The following ZNF787 variants were observed in gnomAD, a reference collection of about 807,000 sequenced individuals.
ZNF787 encodes the protein TTF-I-interacting peptide 20.
Under a neutral mutation model 16.9 loss-of-function variants are expected in ZNF787, and 7 were observed. That is an observed-to-expected ratio of 0.42 (90% CI 0.24 to 0.78). The LOEUF (loss-of-function observed/expected upper bound fraction) is 0.78, where lower values mean the gene tolerates loss of function less well. Ranked by LOEUF, ZNF787 falls within the 30% of genes least tolerant of loss-of-function variation. The pLI, the probability that ZNF787 is intolerant of heterozygous loss-of-function variation, is 0.30. For missense variants in ZNF787, 551 were observed against 589.3 expected (o/e 0.94, Z 0.67); for synonymous variants, 345 against 270.9 (o/e 1.27, Z -2.69).
At chr19:56,096,244 A>T (rs200287764) in intron 2 of ZNF787, among the ~76,000 whole-genome samples, 5 of 113,330 alleles carry the variant, frequency 4.4e-5, no homozygotes, top group African/African-American at 1.7e-4. Flanking sequence ...AATAAAAAAA[A>T]TAAAAAAATA....
chr19:56,113,733 A>G (rs1599958637), intron 1 of ZNF787, among the ~76,000 whole-genome samples: 1 of 152,122 alleles, frequency 6.6e-6, no homozygotes, highest in Non-Finnish European at 1.5e-5. Context: ...CTGAAGATGC[A>G]CGGCGTTTCT....
At chr19:56,116,973 C>T (rs2030154598) in intron 1 of ZNF787, among the ~76,000 whole-genome samples, 2 of 152,214 alleles carry the variant, frequency 1.3e-5, no homozygotes, top group Non-Finnish European at 2.9e-5. Flanking sequence ...CTGGGCCCCA[C>T]AATCAGTGGG....
At position 56,097,314 on chromosome 19, in the gene ZNF787, GA is replaced by G. The variant is rs1381471868; in HGVS notation, c.79+5824del. Among the ~76,000 whole-genome samples the G allele has an allele frequency of 1.1e-3, 163 of 152,316 alleles. 2 individuals are homozygous for G. Among genetic ancestry groups the G allele is most frequent in the Non-Finnish European group, 1.3e-4 (9 of 68,024 alleles). On this transcript the variant is annotated intron_variant, in intron 2 of 2. Coordinates refer to ENST00000610935, the MANE Select transcript of ZNF787 (RefSeq NM_001002836.4). ...CACCTCCCAGAAATACTCAAATACA[GA>G]AAAAAATCACAAAATTTCTAAGGTT...
chr19:56,088,613 A>AGCCGCG lies in ZNF787; in HGVS notation c.553_558dup (p.Arg185_Gly186dup). ...CGCGCGAGGCTCTTGGGCTGGCTGA[A>AGCCGCG]GCCGCGGCCGCAGCGCGGGCACACG... On this transcript the variant is annotated inframe_insertion, in exon 3 of 3. Transcript: ENST00000610935. The surrounding 1 kb of genome is among the most constrained non-coding windows in gnomAD (Gnocchi z 8.6). 6.6e-7 allele frequency: 1 copy of AGCCGCG among 1,520,882 alleles called. No homozygotes were observed. Among genetic ancestry groups the AGCCGCG allele is most frequent in the Non-Finnish European group, 8.8e-7 (1 of 1,141,278 alleles). 94.2% of individuals were successfully genotyped at this position (1,520,882 alleles called of 1,614,324 possible).
intron 1 of ZNF787, among the ~76,000 whole-genome samples, chr19:56,109,316 G>A (rs1425664688): frequency 6.6e-6 from 1 of 152,072 alleles, no homozygotes; most frequent in Non-Finnish European, 1.5e-5. Flanking sequence ...AAGGCACGGG[G>A]GCAGCAGCAG....
intron 2 of ZNF787, among the ~76,000 whole-genome samples, chr19:56,090,012 C>T (rs1210776388): frequency 6.6e-6 from 1 of 152,172 alleles, no homozygotes; most frequent in Non-Finnish European, 1.5e-5. Context: ...TCAGCAAGTG[C>T]ATCTCTGACC....
At chr19:56,105,211 C>T (rs1280156386) in intron 1 of ZNF787, among the ~76,000 whole-genome samples, 1 of 152,148 alleles carries the variant, frequency 6.6e-6, no homozygotes, top group African/African-American at 2.4e-5. Flanking sequence ...CCTTCTCCCA[C>T]CCTCCTGCAG....
At chr19:56,105,474 C>T (rs1325602783) in intron 1 of ZNF787, 2 of 152,238 alleles carry the variant, frequency 1.3e-5, no homozygotes, top group Admixed American at 6.5e-5. Flanking sequence ...CTCTTTGTTC[C>T]TTCTCCATGC....
intron 2 of ZNF787, among the ~76,000 whole-genome samples, chr19:56,090,752 G>A (rs1985542881): frequency 2.0e-5 from 3 of 152,208 alleles, no homozygotes; most frequent in Non-Finnish European, 4.4e-5. Context: ...AACCCGGGAG[G>A]CAGAGGTTGC....
At chr19:56,108,226 T>TG (rs1392695276) in intron 1 of ZNF787, among the ~76,000 whole-genome samples, 2 of 151,022 alleles carry the variant, frequency 1.3e-5, no homozygotes, top group African/African-American at 4.9e-5. Context: ...ACCCAGCCCC[T>TG]GCCCAGTGCT....
At chr19:56,092,964 C>T (rs1475061365) in intron 2 of ZNF787, among the ~76,000 whole-genome samples, 1 of 149,930 alleles carries the variant, frequency 6.7e-6, no homozygotes, top group Non-Finnish European at 1.5e-5. Context: ...ACTGGGATAC[C>T]CCATAGACAC....
At chr19:56,112,811 C>T (rs1326146036) in intron 1 of ZNF787, among the ~76,000 whole-genome samples, 2 of 152,060 alleles carry the variant, frequency 1.3e-5, no homozygotes, top group African/African-American at 4.8e-5. Context: ...TTGGAGCCAC[C>T]ATGCACCCCA....
In ZNF787 at chr19:56,088,155, G is replaced by A. The variant is rs2123384522; in HGVS notation, c.1017C>T (p.His339=). 3 of 1,555,042 alleles carry A rather than the reference G, an allele frequency of 1.9e-6. No individual in the cohort carries two copies. The highest frequency in any genetic ancestry group is 1.2e-5 in the South Asian group (1 of 86,274). The change falls in exon 3 of 3, where the codon CAC becomes CAT. Residue 339 remains histidine (H), a synonymous_variant. Coordinates refer to ENST00000610935, the MANE Select transcript of ZNF787 (RefSeq NM_001002836.4). This position sits in a 1 kb window ranked among gnomAD's most constrained non-coding sequence, Gnocchi z 8.6. ...TGCAGACCGAGGGCGCGCCCACCGC[G>A]TGGATCTTCTTGTGTCTCCGGAGCG... is the stretch of plus-strand genomic sequence containing the variant. The part of the protein sequence containing the change: ...GAALRRHKKI[H]AVGAPSVCSS...
At chr19:56,116,025 G>A (rs1042753306) in intron 1 of ZNF787, among the ~76,000 whole-genome samples, 2 of 152,276 alleles carry the variant, frequency 1.3e-5, no homozygotes, top group Non-Finnish European at 2.9e-5. Context: ...GTCACAAAAC[G>A]CGCTGCCCTG....
chr19:56,092,179 T>G (rs1342903651), intron 2 of ZNF787, among the ~76,000 whole-genome samples: 1 of 152,062 alleles, frequency 6.6e-6, no homozygotes, highest in Non-Finnish European at 1.5e-5. Flanking sequence ...GCACAAGAGT[T>G]CTCATTCAAT....
chr19:56,093,554 G>A (rs1215778886), intron 2 of ZNF787, among the ~76,000 whole-genome samples: 1 of 152,150 alleles, frequency 6.6e-6, no homozygotes, highest in African/African-American at 2.4e-5. Flanking sequence ...TCAGGAGACT[G>A]ACCTGCTCAC....
intron 2 of ZNF787, among the ~76,000 whole-genome samples, chr19:56,095,751 C>G (rs190637792): frequency 1.5e-3 from 232 of 152,338 alleles, no homozygotes; most frequent in Non-Finnish European, 2.6e-3. Flanking sequence ...GGCCTTCCCA[C>G]CAGCCTCTCT....
chr19:56,111,316 C>G (rs1309893133), intron 1 of ZNF787, among the ~76,000 whole-genome samples: 2 of 152,026 alleles, frequency 1.3e-5, no homozygotes, highest in African/African-American at 4.8e-5. Flanking sequence ...GGAGGCCCAG[C>G]CTGGGGCTCC....
chr19:56,112,785 T>C (rs925139263), intron 1 of ZNF787, among the ~76,000 whole-genome samples: 1 of 152,044 alleles, frequency 6.6e-6, no homozygotes, highest in Non-Finnish European at 1.5e-5. Flanking sequence ...CTTCTCAGCC[T>C]GACTCCACAA....
Sources: allele counts gnomAD v4.1 joint callset (sites outside exome capture counted in the v4.1 genomes callset), GRCh38; gene constraint gnomAD v4.1.1; non-coding constraint Gnocchi (gnomAD v3.1); transcripts MANE v1.5; gene names NCBI Gene and HGNC (gene_info 2026-07-23, HGNC 2026-07-21).